The following GDPD5 variants were observed in gnomAD, a reference collection of about 807,000 sequenced individuals.
GDPD5 encodes the protein glycerophosphodiester phosphodiesterase domain containing 5.
A neutral mutation model predicts 75.1 loss-of-function variants in GDPD5; 48 were observed. The ratio of observed to expected loss-of-function variants is 0.64; its 90% CI spans 0.51 to 0.81. The LOEUF is 0.81. Ranked by LOEUF, GDPD5 falls within the 40% of genes least tolerant of loss-of-function variation. GDPD5 has a pLI of 0.00. For missense variants in GDPD5, 706 were observed against 822.6 expected (o/e 0.86, Z 1.73); for synonymous variants, 336 against 339.0 (o/e 0.99, Z 0.10).
At chr11:75,502,441 C>A (rs1950317994) in intron 1 of GDPD5, among the ~76,000 whole-genome samples, 2 of 152,214 alleles carry the variant, frequency 1.3e-5, no homozygotes, top group African/African-American at 4.8e-5. Context: ...TCACCCTTGG[C>A]TTTATCTAGC....
chr11:75,444,264 A>G (rs1032551602), intron 10 of GDPD5, 149 bp downstream of exon 10: 4 of 624,826 alleles, frequency 6.4e-6, no homozygotes, highest in African/African-American at 5.5e-5. Context: ...GTCTGCAGGA[A>G]CAGGGTGCCT....
chr11:75,516,012 T>C (rs1320397723), intron 1 of GDPD5: 1 of 152,310 alleles, frequency 6.6e-6, no homozygotes, highest in African/African-American at 2.4e-5. Flanking sequence ...TCCCGGGCTT[T>C]TGATGGACAG....
intron 3 of GDPD5, among the ~76,000 whole-genome samples, chr11:75,463,126 CT>C (rs1343659221): frequency 2.0e-5 from 3 of 152,236 alleles, no homozygotes; most frequent in Admixed American, 6.5e-5. Flanking sequence ...GCCTCCCCCC[CT>C]GGGGCTGTGC....
At chr11:75,458,657 G>A (rs995647603) in intron 4 of GDPD5, among the ~76,000 whole-genome samples, 1 of 120,548 alleles carries the variant, frequency 8.3e-6, no homozygotes, top group African/African-American at 2.8e-5. Flanking sequence ...GGGCGACAGT[G>A]TGAGACTCTG....
chr11:75,467,273 G>A (rs767771831), intron 3 of GDPD5, among the ~76,000 whole-genome samples: 5 of 152,230 alleles, frequency 3.3e-5, no homozygotes, highest in Non-Finnish European at 7.3e-5. Context: ...TTCCCTCGGA[G>A]GGAGGCTGTT....
At chr11:75,484,612 C>G (rs1443230683) in intron 2 of GDPD5, among the ~76,000 whole-genome samples, 1 of 152,062 alleles carries the variant, frequency 6.6e-6, no homozygotes, top group East Asian at 1.9e-4. Flanking sequence ...GGTCAAGTGC[C>G]ATGGCTCATG....
chr11:75,519,530 A>G (rs1450105226), intron 1 of GDPD5, among the ~76,000 whole-genome samples: 1 of 152,234 alleles, frequency 6.6e-6, no homozygotes, highest in African/African-American at 2.4e-5. Flanking sequence ...GATACAGATC[A>G]TAACAGCTAA....
intron 3 of GDPD5, among the ~76,000 whole-genome samples, chr11:75,467,848 G>T (rs1328618378): frequency 6.6e-6 from 1 of 152,108 alleles, no homozygotes; most frequent in East Asian, 1.9e-4. Flanking sequence ...GGCAATTGTG[G>T]GTCAATTTCC....
intron 1 of GDPD5, among the ~76,000 whole-genome samples, chr11:75,515,730 CGCCTGACACTA>C (rs1950625394): frequency 6.6e-6 from 1 of 152,198 alleles, no homozygotes; most frequent in Non-Finnish European, 1.5e-5. Context: ...CACCTGAACT[CGCCTGACACTA>C]GCCTACCTGT....
At chr11:75,449,174 G>C in intron 8 of GDPD5, 52 bp from the exon 9 acceptor site, 1 of 1,531,032 alleles carries the variant, frequency 6.5e-7, no homozygotes, top group Non-Finnish European at 8.8e-7. Context: ...GCAGGTTGGG[G>C]TGCAATGCTG....
At chr11:75,505,539 G>A (rs1270430890) in intron 1 of GDPD5, among the ~76,000 whole-genome samples, 1 of 152,128 alleles carries the variant, frequency 6.6e-6, no homozygotes, top group Non-Finnish European at 1.5e-5. Context: ...ATTCCTAGGT[G>A]TCCTTCCAAT....
chr11:75,502,414 G>A (rs1352554748), intron 1 of GDPD5, among the ~76,000 whole-genome samples: 2 of 152,194 alleles, frequency 1.3e-5, no homozygotes, highest in Non-Finnish European at 2.9e-5. Flanking sequence ...TCACGAATAA[G>A]TTGCATATGG....
At chr11:75,449,145 G>C in intron 8 of GDPD5, 23 bp from the exon 9 acceptor site, 1 of 1,556,826 alleles carries the variant, frequency 6.4e-7, no homozygotes, top group Non-Finnish European at 8.7e-7. Flanking sequence ...GGCCGTGAGT[G>C]CTGCCTGGTG....
At chr11:75,492,874 A>G (rs1449717607) in intron 1 of GDPD5, among the ~76,000 whole-genome samples, 1 of 152,094 alleles carries the variant, frequency 6.6e-6, no homozygotes, top group East Asian at 1.9e-4. Context: ...CTGCGATTAC[A>G]GACACACACC....
Position 75,442,782 on chromosome 11 carries a change from C to T in GDPD5, c.949-201G>A, listed in dbSNP as rs1452817176. Reference sequence around the variant, plus strand: ...CCCCACACCCTGCTTACCAAGAGGACGGAGGACGGCTTGCTTGGAATCGCT... The same window carrying T: ...CCCCACACCCTGCTTACCAAGAGGATGGAGGACGGCTTGCTTGGAATCGCT... On this transcript the variant is annotated intron_variant, in intron 11 of 16. Coordinates refer to ENST00000336898, the MANE Select transcript of GDPD5 (RefSeq NM_030792.8). 44 of 610,936 alleles carry T rather than the reference C, an allele frequency of 7.2e-5. 1 individual carries two copies. In the East Asian group the frequency reaches 8.0e-4, roughly 11 times the overall value. The allele number at this position is 610,936 out of a possible 1,614,324, so 37.8% of individuals were successfully genotyped here.
intron 2 of GDPD5, among the ~76,000 whole-genome samples, chr11:75,483,393 G>A (rs944359884): frequency 2.0e-5 from 3 of 152,176 alleles, no homozygotes; most frequent in Non-Finnish European, 4.4e-5. Flanking sequence ...GCTGGGATGG[G>A]CGTGCACCTC....
At position 75,449,737 on chromosome 11, in the gene GDPD5, G is replaced by A. The variant is rs954304021; in HGVS notation, c.475-127C>T. On this transcript the variant is annotated intron_variant, in intron 7 of 16. Transcript: ENST00000336898. Reference sequence around the variant, plus strand: ...TCCATCTGCCAACTGGGGACACTGGGAGCCTCAGGACCCTGGTGTCCTCCC... The same window carrying A: ...TCCATCTGCCAACTGGGGACACTGGAAGCCTCAGGACCCTGGTGTCCTCCC... The A allele has an allele frequency of 5.6e-6, 7 of 1,254,648 alleles. No homozygotes were observed. The African/African-American group carries it at 7.4e-5, about 13-fold the overall frequency. 77.7% of individuals were successfully genotyped at this position (1,254,648 alleles called of 1,614,324 possible).
chr11:75,463,563 T>C (rs1377537407), intron 3 of GDPD5, among the ~76,000 whole-genome samples: 1 of 152,090 alleles, frequency 6.6e-6, no homozygotes. Context: ...CGTCCCCTTA[T>C]CTTGGAAGCA....
intron 6 of GDPD5, chr11:75,455,393 C>A (rs1949263959): frequency 4.4e-6 from 2 of 456,326 alleles, no homozygotes; most frequent in Admixed American, 4.7e-5. Flanking sequence ...GTGGGGGGAC[C>A]AGGGGCTGCT....
Sources: gnomAD v4.1 joint callset for allele counts (sites outside exome capture counted in the v4.1 genomes callset) on GRCh38, gnomAD v4.1.1 for gene constraint, MANE v1.5 for transcripts, NCBI Gene and HGNC (gene_info 2026-07-23, HGNC 2026-07-21) for gene names.